POLR1C: variants seen among roughly 807,000 people sequenced by gnomAD.
The protein encoded by POLR1C is DNA-directed RNA polymerases I and III subunit RPAC1.
POLR1C carries 42 observed loss-of-function variants against 38.3 expected under a neutral mutation model. That is an observed-to-expected ratio of 1.10 (90% CI 0.86 to 1.42). The LOEUF (loss-of-function observed/expected upper bound fraction) is 1.42, where lower values mean the gene tolerates loss of function less well. POLR1C is among the 40% of genes most tolerant of loss of function. POLR1C has a pLI of 0.00. For missense variants in POLR1C, 507 were observed against 450.5 expected (o/e 1.13, Z -1.14); for synonymous variants, 163 against 163.9 (o/e 0.99, Z 0.04).
At chr6:43,523,183 T>TA (rs1277901133), downstream of POLR1C, 1 of 170,710 alleles carries the variant, frequency 5.9e-6, no homozygotes, top group African/African-American at 2.4e-5. Context: ...GTGTGAACTC[T>TA]AAAGGGGATG....
intron 9 of POLR1C, among the ~76,000 whole-genome samples, chr6:43,535,246 C>T (rs1057496214): frequency 1.9e-4 from 28 of 151,104 alleles, no homozygotes; most frequent in Non-Finnish European, 3.4e-4. Context: ...GGCAACAGAG[C>T]GAGACTCTGT....
At chr6:43,552,525 G>A (rs572047832) in intron 10 of POLR1C, among the ~76,000 whole-genome samples, 289 of 152,166 alleles carry the variant, frequency 1.9e-3, no homozygotes, top group African/African-American at 6.0e-3. Flanking sequence ...GTTAATTTTT[G>A]TGTTTTTAGT....
At chr6:43,527,814 C>G in intron 8 of POLR1C, 2 of 1,452,626 alleles carry the variant, frequency 1.4e-6, no homozygotes, top group East Asian at 4.6e-5. Flanking sequence ...CAGACTCTCT[C>G]TGACCACTTT....
Position 43,520,692 on chromosome 6 carries a change from G to A in POLR1C, c.723G>A (p.Leu241=), listed in dbSNP as rs1443402531. 6.2e-7 allele frequency: 1 copy of A among 1,614,178 alleles called. No individual in the cohort carries two copies. Among genetic ancestry groups the A allele is most frequent in the African/African-American group, 1.3e-5 (1 of 75,036 alleles). The change falls in exon 7 of 9, where the codon CTG becomes CTA. Residue 241 remains leucine (L), a synonymous_variant. Transcript: ENST00000642195. ...ACAGGCTCCTGCCAGACATCACCCT[G>A]CTTGAGCCCGTGGAAGGGGAGGCAG... ...ASYRLLPDIT[L]LEPVEGEAAE...
intron 9 of POLR1C, among the ~76,000 whole-genome samples, chr6:43,544,542 T>G (rs1794873646): frequency 6.6e-6 from 1 of 152,344 alleles, no homozygotes; most frequent in African/African-American, 2.4e-5. Context: ...GCCACAGGCC[T>G]AAAAAGGTCT....
intron 9 of POLR1C, among the ~76,000 whole-genome samples, chr6:43,537,934 G>T (rs1473056980): frequency 6.6e-6 from 1 of 151,582 alleles, no homozygotes; most frequent in East Asian, 2.0e-4. Flanking sequence ...CAGGCGTGGT[G>T]GCGCACACCT....
intron 10 of POLR1C, among the ~76,000 whole-genome samples, chr6:43,560,501 T>C (rs1220434482): frequency 6.6e-6 from 1 of 152,250 alleles, no homozygotes; most frequent in East Asian, 1.9e-4. Context: ...ATCAAGGAAA[T>C]TACCTGGAAT....
downstream of POLR1C, chr6:43,531,381 G>C (rs142682239): frequency 1.6e-5 from 18 of 1,100,306 alleles, no homozygotes; most frequent in Middle Eastern, 4.1e-4. Context: ...CTCTTGCCTC[G>C]CCTTACCTGT....
chr6:43,537,136 A>C (rs904145269), intron 9 of POLR1C, among the ~76,000 whole-genome samples: 3 of 138,328 alleles, frequency 2.2e-5, no homozygotes, highest in Non-Finnish European at 4.6e-5. Context: ...GTGAATAATT[A>C]AAACTTTTTT....
chr6:43,562,044 T>A, exon 11 of POLR1C: 1 of 433,948 alleles, frequency 2.3e-6, no homozygotes, highest in South Asian at 5.0e-5. Flanking sequence ...TTGGTATAAC[T>A]ATTTTATTGT....
intron 10 of POLR1C, among the ~76,000 whole-genome samples, chr6:43,554,806 C>T (rs1225873585): frequency 2.6e-5 from 4 of 152,172 alleles, no homozygotes; most frequent in Non-Finnish European, 4.4e-5. Context: ...ATTTGGGCTT[C>T]CTCAACCTTT....
intron 9 of POLR1C, chr6:43,546,900 C>T: frequency 2.4e-6 from 2 of 838,242 alleles, no homozygotes; most frequent in Non-Finnish European, 3.6e-6. Flanking sequence ...ATCCCCCATC[C>T]CTTCCTTTAA....
chr6:43,521,685 C>G (rs1451224617), downstream of POLR1C, among the ~76,000 whole-genome samples: 1 of 152,100 alleles, frequency 6.6e-6, no homozygotes, highest in African/African-American at 2.4e-5. Context: ...CCACACCTAG[C>G]TATATGTCTA....
intron 9 of POLR1C, chr6:43,549,414 G>A: frequency 7.1e-7 from 1 of 1,405,356 alleles, no homozygotes; most frequent in East Asian, 2.4e-5. Context: ...TTCTTTATGT[G>A]AGGTACACTG....
At chr6:43,550,127 C>G (rs761411954) in intron 9 of POLR1C, among the ~76,000 whole-genome samples, 1 of 152,154 alleles carries the variant, frequency 6.6e-6, no homozygotes, top group South Asian at 2.1e-4. Context: ...CAAGAGTCAT[C>G]GGAGTCACAA....
At chr6:43,528,660 G>A (rs756106570) in intron 8 of POLR1C, among the ~76,000 whole-genome samples, 1 of 152,112 alleles carries the variant, frequency 6.6e-6, no homozygotes, top group Non-Finnish European at 1.5e-5. Context: ...GTTCTTTGGG[G>A]GCTGCTCGAT....
At chr6:43,522,564 A>G (rs1220417524), downstream of POLR1C, 1 of 278,436 alleles carries the variant, frequency 3.6e-6, no homozygotes, top group East Asian at 1.1e-4. Context: ...CGATCCACAG[A>G]AACCCAGAGC....
At chr6:43,517,467 G>A in intron 2 of POLR1C, 90 bp downstream of exon 2, 1 of 1,115,664 alleles carries the variant, frequency 9.0e-7, no homozygotes, top group Non-Finnish European at 1.4e-6. Flanking sequence ...GCTGCTCTTG[G>A]GGGTCGCTCC....
downstream of POLR1C, chr6:43,524,034 T>C (rs1793371223): frequency 6.2e-7 from 1 of 1,605,130 alleles, no homozygotes; most frequent in Non-Finnish European, 8.5e-7. Flanking sequence ...AAAGAATTAA[T>C]GCTGGGCCCT....
Sources: allele counts gnomAD v4.1 joint callset (sites outside exome capture counted in the v4.1 genomes callset), GRCh38; gene constraint gnomAD v4.1.1; transcripts MANE v1.5; gene names NCBI Gene and HGNC (gene_info 2026-07-23, HGNC 2026-07-21).